DYNC2I2: variants seen among roughly 807,000 people sequenced by gnomAD.
DYNC2I2 encodes the protein dynein 2 intermediate chain 2, also known as cytoplasmic dynein 2 intermediate chain 2.
Under a neutral mutation model 52.0 loss-of-function variants are expected in DYNC2I2, and 39 were observed. That is an observed-to-expected ratio of 0.75 (90% CI 0.58 to 0.98). The LOEUF (loss-of-function observed/expected upper bound fraction) is 0.98, where lower values mean the gene tolerates loss of function less well. Among genes scored for constraint, DYNC2I2 ranks in the 50% least tolerant of loss-of-function variants. The pLI, the probability that DYNC2I2 is intolerant of heterozygous loss-of-function variation, is 0.00. For synonymous variants in DYNC2I2, 359 were observed against 321.1 expected (o/e 1.12, Z -1.26); for missense variants, 743 against 728.4 (o/e 1.02, Z -0.23).
In DYNC2I2 at chr9:128,644,364, T is replaced by G. The variant is rs144805273; in HGVS notation, c.187-3425A>C. Among the ~76,000 whole-genome samples, 401 of 151,252 alleles carry G rather than the reference T, an allele frequency of 2.7e-3. 8 individuals are homozygous for G. In the East Asian group the frequency reaches 0.039, roughly 15 times the overall value. ...TAGCTCATTGCAATCTAGCTCTGCC[T>G]CTTGGGCTCAGGCAATCCTCCCACC... is the stretch of plus-strand genomic sequence containing the variant. On this transcript the variant is annotated intron_variant, in intron 1 of 8. Coordinates refer to ENST00000372715, the MANE Select transcript of DYNC2I2 (RefSeq NM_052844.4).
the DYNC2I2 span, among the ~76,000 whole-genome samples, chr9:128,662,342 A>G: frequency 6.6e-6 from 1 of 152,262 alleles, no homozygotes; most frequent in East Asian, 1.9e-4. Context: ...TGTGCCCTAC[A>G]GATGGATACT....
At position 128,650,295 on chromosome 9, in the gene DYNC2I2, G is replaced by A. The variant is rs1428295777; in HGVS notation, c.186+6246C>T. 1.6e-4 allele frequency among the ~76,000 whole-genome samples: 9 copies of A among 55,688 alleles called. 2 individuals are homozygous for A. Among genetic ancestry groups the A allele is most frequent in the African/African-American group, 2.9e-4 (8 of 27,760 alleles). The allele number at this position is 55,688 out of a possible 152,430, so 36.5% of individuals were successfully genotyped here. A position where few individuals can be genotyped will look rare whatever the true frequency, so the allele number is the denominator to read the frequency against. ...AGTCACTGACACTCAGAAACTCCAC[G>A]TGAACAGCACTGGCTTTCACTTGGC... On this transcript the variant is annotated intron_variant, in intron 1 of 8. Coordinates refer to ENST00000372715, the MANE Select transcript of DYNC2I2 (RefSeq NM_052844.4).
rs764088224 is a variant in DYNC2I2, at chr9:128,634,904, G to A, written c.999C>T (p.Thr333=). The part of the protein sequence containing the change: ...TKLKKHPRGE[T]EVGATAVAFS... ...AGGCCACTGCCGTGGCGCCCACCTC[G>A]GTCTCCCCGCGGGGATGCTGTGGAG... Residue 333 remains threonine, a synonymous_variant, in exon 7 of 9, where the codon ACC becomes ACT. Coordinates refer to ENST00000372715, the MANE Select transcript of DYNC2I2 (RefSeq NM_052844.4). 44 of 1,612,756 alleles carry A rather than the reference G, an allele frequency of 2.7e-5. No homozygotes were observed. In the East Asian group the frequency reaches 4.0e-4, roughly 15 times the overall value.
chr9:128,672,802 C>A, the DYNC2I2 span, among the ~76,000 whole-genome samples: 1 of 152,044 alleles, frequency 6.6e-6, no homozygotes, highest in East Asian at 1.9e-4. Flanking sequence ...CCGAGGCAGG[C>A]GGATCACAAG....
chr9:128,671,302 CTT>C, the DYNC2I2 span, among the ~76,000 whole-genome samples: 29 of 135,274 alleles, frequency 2.1e-4, no homozygotes, highest in Admixed American at 6.1e-4. Context: ...CCCTGTCTCT[CTT>C]TTTTTTTTTT....
chr9:128,670,668 G>A, the DYNC2I2 span, among the ~76,000 whole-genome samples: 22 of 150,326 alleles, frequency 1.5e-4, no homozygotes, highest in African/African-American at 5.4e-4. Context: ...CCTGGGAGGA[G>A]GAGGTTGTAG....
At chr9:128,670,752 GAAAA>G in the DYNC2I2 span, among the ~76,000 whole-genome samples, 156 of 144,770 alleles carry the variant, frequency 1.1e-3, no homozygotes, top group East Asian at 0.012. Flanking sequence ...AACAACAAAA[GAAAA>G]AAAAAAAAAA....
chr9:128,649,703 A>AC (rs1181483059), intron 1 of DYNC2I2, among the ~76,000 whole-genome samples: 2 of 143,372 alleles, frequency 1.4e-5, no homozygotes, highest in South Asian at 2.2e-4. Context: ...AAAAAAAAAA[A>AC]AAAAAACTGG....
the DYNC2I2 span, among the ~76,000 whole-genome samples, chr9:128,669,466 G>A: frequency 8.9e-3 from 1,349 of 152,286 alleles, 6 homozygotes; most frequent in Non-Finnish European, 0.015. Context: ...AGGAGGCTGA[G>A]GTGGTCAGAT....
rs1484116874 is a variant in DYNC2I2 at position 128,634,767 on chromosome 9, G to A, written c.1136C>T (p.Pro379Leu). The change falls in exon 7 of 9, where the codon CCC becomes CTC. Residue 379 changes from proline to leucine, a missense_variant. By Grantham distance (98) the Pro-to-Leu change is moderately conservative. Coordinates refer to ENST00000372715, the MANE Select transcript of DYNC2I2 (RefSeq NM_052844.4). ...GGTAAACTGTGCTGGGGCCCGCAGG[G>A]GCACGGAGCTGGGCATCCGCGTGAG... ...AALTRMPSSV[P>L]LRAPAQFTFS... 3.1e-6 allele frequency: 5 copies of A among 1,607,776 alleles called. No homozygotes were observed. Among genetic ancestry groups the A allele is most frequent in the Non-Finnish European group, 3.4e-6 (4 of 1,177,444 alleles).
At position 128,653,133 on chromosome 9, in the gene DYNC2I2, G is replaced by T. The variant is rs1224446753; in HGVS notation, c.186+3408C>A. 2.0e-5 allele frequency among the ~76,000 whole-genome samples: 3 copies of T among 151,014 alleles called. No homozygotes were observed. In the East Asian group the frequency reaches 5.8e-4, roughly 29 times the overall value. ...TATCCCAGCTACTCAGGAAGCTGAG[G>T]CAGGAGGATCACCTGAAACCAGGAG... is the stretch of plus-strand genomic sequence containing the variant. On this transcript the variant is annotated intron_variant, in intron 1 of 8. Coordinates refer to ENST00000372715, the MANE Select transcript of DYNC2I2 (RefSeq NM_052844.4).
intron 1 of DYNC2I2, 32 bp downstream of exon 1, chr9:128,656,509 C>A: frequency 3.2e-6 from 4 of 1,254,984 alleles, no homozygotes; most frequent in South Asian, 6.0e-5. Context: ...CCTTCCCGCC[C>A]GCGTCGCTCC....
rs544972565 is a variant in DYNC2I2 at position 128,642,996 on chromosome 9, G to C, written c.187-2057C>G. 8.4e-4 allele frequency among the ~76,000 whole-genome samples: 128 copies of C among 152,070 alleles called. 1 individual carries two copies. The highest frequency in any genetic ancestry group is 1.6e-3 in the Non-Finnish European group (110 of 68,030). ...TGGGATGGCGAGGGTGGCCTCTTAG[G>C]GAGATGGCGTTTGAGCTGAGATGTG... On this transcript the variant is annotated intron_variant, in intron 1 of 8. Transcript: ENST00000372715.
At chr9:128,642,287 A>AAC (rs1491454879) in intron 1 of DYNC2I2, among the ~76,000 whole-genome samples, 3 of 6,230 alleles carry the variant, frequency 4.8e-4, no homozygotes, top group Non-Finnish European at 2.6e-3. Context: ...ACTCCGTCTC[A>AAC]AAAAAAAAAA....
the DYNC2I2 span, among the ~76,000 whole-genome samples, chr9:128,676,228 C>G: frequency 1.3e-5 from 2 of 152,058 alleles, no homozygotes; most frequent in African/African-American, 4.8e-5. Context: ...CAGTGGCTCA[C>G]GCCTGTAATT....
chr9:128,642,273 C>A (rs1860527738), intron 1 of DYNC2I2, among the ~76,000 whole-genome samples: 1 of 113,088 alleles, frequency 8.8e-6, no homozygotes, highest in Non-Finnish European at 1.7e-5. Context: ...AGCGACAGAG[C>A]AAGACTCCGT....
rs1860355516 is a variant in DYNC2I2 at position 128,634,968 on chromosome 9, G to A, written c.982-47C>T. 4 of 1,602,008 alleles carry A rather than the reference G, an allele frequency of 2.5e-6. No individual in the cohort carries two copies. In the South Asian group the frequency reaches 4.4e-5, roughly 18 times the overall value. Reference sequence around the variant, plus strand: ...AGGGTCAGAGCCAAGGGCATCAGATGGCACTGTCCCAACAGAGCCAGAGAA... The same window carrying A: ...AGGGTCAGAGCCAAGGGCATCAGATAGCACTGTCCCAACAGAGCCAGAGAA... On this transcript the variant is annotated intron_variant, in intron 6 of 8. Coordinates refer to ENST00000372715, the MANE Select transcript of DYNC2I2 (RefSeq NM_052844.4).
Position 128,635,033 on chromosome 9 carries a change from C to T in DYNC2I2, c.981+59G>A, listed in dbSNP as rs73669955. The T allele has an allele frequency of 1.4e-3, 2,183 of 1,584,460 alleles. 32 individuals are homozygous for T. In the African/African-American group the frequency reaches 0.025, roughly 18 times the overall value. ...ACAGCAAGTCAGGCCCACTGCCACA[C>T]CTTCCCACCCCCAAGGCTCACCGGC... On this transcript the variant is annotated intron_variant, in intron 6 of 8. Coordinates refer to ENST00000372715, the MANE Select transcript of DYNC2I2 (RefSeq NM_052844.4).
chr9:128,636,256 G>A, intron 4 of DYNC2I2, 25 bp downstream of exon 4: 1 of 1,555,038 alleles, frequency 6.4e-7, no homozygotes, highest in African/African-American at 1.4e-5. Context: ...GAGAGGAGAG[G>A]AGGCGGACAC....
Sources: gnomAD v4.1 joint callset for allele counts (sites outside exome capture counted in the v4.1 genomes callset) on GRCh38, gnomAD v4.1.1 for gene constraint, MANE v1.5 for transcripts, NCBI Gene and HGNC (gene_info 2026-07-23, HGNC 2026-07-21) for gene names.